PSD3: variants seen among roughly 807,000 people sequenced by gnomAD.
PSD3 encodes the protein pleckstrin and Sec7 domain containing 3.
In PSD3, 49 loss-of-function variants were observed where a neutral mutation model predicts 105.5. The ratio of observed to expected loss-of-function variants is 0.46; its 90% confidence interval spans 0.37 to 0.59. The LOEUF (loss-of-function observed/expected upper bound fraction) is 0.59, where lower values mean the gene tolerates loss of function less well. Ranked by LOEUF, PSD3 falls within the 20% of genes least tolerant of loss-of-function variation. PSD3 has a pLI of 0.00. For missense variants in PSD3, 1,561 were observed against 1,263.8 expected (o/e 1.24, Z -3.57); for synonymous variants, 557 against 457.8 (o/e 1.22, Z -2.77).
chr8:19,027,501 T>G lies in PSD3; in HGVS notation c.324+56705A>C, dbSNP rs75583123. Among the ~76,000 whole-genome samples the G allele has an allele frequency of 5.8e-3, 886 of 152,338 alleles. 61 individuals are homozygous for G. The East Asian group carries it at 0.13, about 22-fold the overall frequency. On this transcript the variant is annotated intron_variant, in intron 1 of 1. Coordinates refer to the PSD3 transcript ENST00000521475. ...ATTTTGTGTACAATTCAATGAGAGT[T>G]GACAAATGTATAGAGCTGTGTAAGT...
intron 1 of PSD3, among the ~76,000 whole-genome samples, chr8:19,037,362 A>G (rs1351299309): frequency 6.6e-6 from 1 of 152,236 alleles, no homozygotes; most frequent in Non-Finnish European, 1.5e-5. Context: ...GACACCCTCC[A>G]ACCCTGGGAT....
chr8:18,571,919 G>C (rs1310427899), intron 14 of PSD3, among the ~76,000 whole-genome samples: 1 of 152,076 alleles, frequency 6.6e-6, no homozygotes, highest in Admixed American at 6.5e-5. Flanking sequence ...CCTTAGAAGA[G>C]TTTTAAGTGA....
At chr8:18,798,724 G>T (rs543525161) in intron 8 of PSD3, among the ~76,000 whole-genome samples, 2 of 152,098 alleles carry the variant, frequency 1.3e-5, no homozygotes, top group East Asian at 3.9e-4. Context: ...GTATTATGAA[G>T]AGTTCGAGTA....
intron 4 of PSD3, among the ~76,000 whole-genome samples, chr8:18,837,553 G>A (rs1175954572): frequency 6.6e-6 from 1 of 152,130 alleles, no homozygotes; most frequent in East Asian, 1.9e-4. Flanking sequence ...ATTAAGTGGA[G>A]GTTTTAGGTC....
At chr8:18,949,244 A>C (rs868525773) in intron 1 of PSD3, among the ~76,000 whole-genome samples, 1 of 14,404 alleles carries the variant, frequency 6.9e-5, no homozygotes, top group Admixed American at 1.6e-3. Context: ...AAAAAAAAAA[A>C]ATATATATAT....
intron 8 of PSD3, among the ~76,000 whole-genome samples, chr8:18,778,139 A>C (rs1808270188): frequency 1.3e-5 from 2 of 152,120 alleles, no homozygotes; most frequent in Non-Finnish European, 2.9e-5. Flanking sequence ...ATTTCCTTCC[A>C]TTTGGATAAA....
intron 1 of PSD3, among the ~76,000 whole-genome samples, chr8:19,031,189 C>G (rs7837311): frequency 6.6e-6 from 1 of 152,084 alleles, no homozygotes; most frequent in African/African-American, 2.4e-5. Flanking sequence ...GGACATTCAC[C>G]AACATATTTT....
intron 9 of PSD3, among the ~76,000 whole-genome samples, chr8:18,754,213 G>C: frequency 6.6e-6 from 1 of 152,070 alleles, no homozygotes; most frequent in East Asian, 1.9e-4. Flanking sequence ...GTGAAACCCT[G>C]TCTCTACTAA....
intron 2 of PSD3, among the ~76,000 whole-genome samples, chr8:18,923,636 C>A (rs1350972333): frequency 6.6e-6 from 1 of 152,094 alleles, no homozygotes; most frequent in Non-Finnish European, 1.5e-5. Context: ...AAAAAACAGG[C>A]TAAGCCATAG....
intron 15 of PSD3, among the ~76,000 whole-genome samples, chr8:18,551,942 A>G (rs1000513828): frequency 6.6e-6 from 1 of 152,218 alleles, no homozygotes; most frequent in Non-Finnish European, 1.5e-5. Context: ...CAGGGACCAG[A>G]GCAATGACAC....
intron 4 of PSD3, among the ~76,000 whole-genome samples, chr8:18,818,029 C>A (rs1812362077): frequency 6.6e-6 from 1 of 152,210 alleles, no homozygotes; most frequent in South Asian, 2.1e-4. Context: ...TCTCGGCTCA[C>A]TGCAACCTCT....
chr8:19,060,851 C>T (rs1028627814), intron 1 of PSD3, among the ~76,000 whole-genome samples: 3 of 152,186 alleles, frequency 2.0e-5, no homozygotes, highest in Non-Finnish European at 2.9e-5. Flanking sequence ...TGCAAGGGCA[C>T]GAGCTTTAAA....
In PSD3 at chr8:18,993,368, C is replaced by T. The variant is rs995380085; in HGVS notation, c.21+20195G>A. Among the ~76,000 whole-genome samples, 8 of 152,126 alleles carry T rather than the reference C, an allele frequency of 5.3e-5. 1 individual carries two copies. The highest frequency in any genetic ancestry group is 1.0e-4 in the Non-Finnish European group (7 of 68,006). On this transcript the variant is annotated intron_variant, in intron 1 of 15. Coordinates refer to ENST00000327040, the MANE Select transcript of PSD3 (RefSeq NM_015310.4). ...TGTTAATGTCCCCCTTTAAATGTGA[C>T]ACCCAGAATCCAATAAAATAATTCT...
chr8:19,045,700 G>A (rs924581899), intron 1 of PSD3, among the ~76,000 whole-genome samples: 3 of 152,192 alleles, frequency 2.0e-5, no homozygotes, highest in African/African-American at 4.8e-5. Context: ...AGAAATGGAA[G>A]GAAGGAAAAG....
intron 1 of PSD3, among the ~76,000 whole-genome samples, chr8:18,973,266 AG>A (rs1824753078): frequency 1.3e-5 from 2 of 152,240 alleles, no homozygotes; most frequent in African/African-American, 4.8e-5. Context: ...TGATGACATA[AG>A]AAAAGAAAAG....
At chr8:18,829,261 G>A (rs1239662548) in intron 4 of PSD3, among the ~76,000 whole-genome samples, 3 of 151,698 alleles carry the variant, frequency 2.0e-5, no homozygotes, top group African/African-American at 7.3e-5. Flanking sequence ...TTAAAAAACG[G>A]GCAAATTATC....
At chr8:18,917,617 G>T (rs1284686585) in intron 2 of PSD3, among the ~76,000 whole-genome samples, 1 of 152,158 alleles carries the variant, frequency 6.6e-6, no homozygotes, top group African/African-American at 2.4e-5. Context: ...CAGTTTCCAA[G>T]AACCTATCAA....
At chr8:18,997,795 T>C (rs1826159547) in intron 1 of PSD3, among the ~76,000 whole-genome samples, 1 of 151,862 alleles carries the variant, frequency 6.6e-6, no homozygotes, top group Non-Finnish European at 1.5e-5. Context: ...CTTCAGGTCT[T>C]TCCTCATGCG....
At chr8:18,880,389 CTGTT>C in intron 2 of PSD3, among the ~76,000 whole-genome samples, 1 of 152,266 alleles carries the variant, frequency 6.6e-6, no homozygotes, top group Admixed American at 6.5e-5. Flanking sequence ...CATGAAAAGT[CTGTT>C]TGGCATGTTA....
Sources: gnomAD v4.1 joint callset for allele counts (sites outside exome capture counted in the v4.1 genomes callset) on GRCh38, gnomAD v4.1.1 for gene constraint, MANE v1.5 for transcripts, NCBI Gene and HGNC (gene_info 2026-07-23, HGNC 2026-07-21) for gene names.